The following FAR2 variants were observed in gnomAD, a reference collection of about 807,000 sequenced individuals.
FAR2 encodes the protein fatty acyl-CoA reductase 2.
Under a neutral mutation model 56.0 loss-of-function variants are expected in FAR2, and 19 were observed. The ratio of observed to expected loss-of-function variants is 0.34; its 90% CI spans 0.24 to 0.50. FAR2 has a LOEUF of 0.50. FAR2 is among the 20% of genes least tolerant of loss of function. The pLI is 0.98. For synonymous variants in FAR2, 219 were observed against 218.8 expected (o/e 1.00, Z -0.01); for missense variants, 508 against 642.2 (o/e 0.79, Z 2.26).
At chr12:29,233,350 C>T (rs987465633) in intron 1 of FAR2, among the ~76,000 whole-genome samples, 1 of 152,068 alleles carries the variant, frequency 6.6e-6, no homozygotes, top group Non-Finnish European at 1.5e-5. Flanking sequence ...CTTCTGTCTG[C>T]CCTGGTCATC....
chr12:29,181,712 T>C (rs959620513), intron 1 of FAR2, among the ~76,000 whole-genome samples: 2 of 152,276 alleles, frequency 1.3e-5, no homozygotes, highest in Non-Finnish European at 2.9e-5. Flanking sequence ...CTAAGTTGGA[T>C]ACCCTTCTGC....
chr12:29,182,234 T>C (rs4931160), intron 1 of FAR2, among the ~76,000 whole-genome samples: 105,722 of 152,050 alleles, frequency 0.7, 37,486 homozygotes, highest in Non-Finnish European at 0.77. Flanking sequence ...CTGTGAAGAG[T>C]GAAAGAACAC....
At chr12:29,179,559 AC>A (rs1949973225) in intron 1 of FAR2, among the ~76,000 whole-genome samples, 1 of 152,172 alleles carries the variant, frequency 6.6e-6, no homozygotes, top group African/African-American at 2.4e-5. Flanking sequence ...TCACACCCCG[AC>A]CTATCATACT....
chr12:29,282,947 G>T (rs1450418551), intron 2 of FAR2, among the ~76,000 whole-genome samples: 1 of 152,130 alleles, frequency 6.6e-6, no homozygotes, highest in African/African-American at 2.4e-5. Flanking sequence ...GGACATACCA[G>T]TGGGGGGAAA....
At chr12:29,288,237 C>T (rs1948906462) in intron 2 of FAR2, among the ~76,000 whole-genome samples, 1 of 152,156 alleles carries the variant, frequency 6.6e-6, no homozygotes, top group African/African-American at 2.4e-5. Flanking sequence ...ATGTGTCCTA[C>T]TCTTGTAAAG....
At chr12:29,305,604 T>C (rs1035807267) in intron 4 of FAR2, among the ~76,000 whole-genome samples, 8 of 152,182 alleles carry the variant, frequency 5.3e-5, no homozygotes, top group African/African-American at 1.9e-4. Context: ...TTAGAATGAG[T>C]ATAATTATTG....
At chr12:29,291,569 A>G (rs1948968124) in intron 2 of FAR2, 2 of 423,102 alleles carry the variant, frequency 4.7e-6, no homozygotes, top group African/African-American at 4.1e-5. Context: ...ACTTGGTGTG[A>G]AATACAGATT....
intron 1 of FAR2, among the ~76,000 whole-genome samples, chr12:29,259,422 G>C (rs190257447): frequency 6.6e-6 from 1 of 152,146 alleles, no homozygotes; most frequent in Non-Finnish European, 1.5e-5. Context: ...TTTCAAAAAT[G>C]TTTCTCTCCA....
At chr12:29,185,249 G>T (rs890962287) in intron 1 of FAR2, among the ~76,000 whole-genome samples, 1 of 152,088 alleles carries the variant, frequency 6.6e-6, no homozygotes, top group Non-Finnish European at 1.5e-5. Context: ...CACTACCCTA[G>T]TCCCACTGAA....
intron 4 of FAR2, among the ~76,000 whole-genome samples, chr12:29,298,614 A>G (rs1245860054): frequency 1.3e-5 from 2 of 152,210 alleles, no homozygotes; most frequent in African/African-American, 4.8e-5. Context: ...AAAATTTTAG[A>G]GTGCAGAGTT....
intron 1 of FAR2, among the ~76,000 whole-genome samples, chr12:29,199,566 C>G (rs1165717690): frequency 6.8e-6 from 1 of 147,950 alleles, no homozygotes; most frequent in Non-Finnish European, 1.5e-5. Context: ...CTCCACTGCG[C>G]TCCAGCCTGG....
At position 29,230,695 on chromosome 12, in the gene FAR2, G is replaced by A. The variant is rs374791556; in HGVS notation, c.-38-39717G>A. ...AGATGTGGTTGGATATACTTTGAAGGTAGAGCTGATGGGATTTGCCAAAGG... is the reference window on the plus strand; with the variant it reads ...AGATGTGGTTGGATATACTTTGAAGATAGAGCTGATGGGATTTGCCAAAGG... On this transcript the variant is annotated intron_variant, in intron 1 of 11. Coordinates refer to ENST00000536681, the MANE Select transcript of FAR2 (RefSeq NM_001271783.2). Among the ~76,000 whole-genome samples the A allele has an allele frequency of 7.2e-5, 11 of 152,204 alleles. No homozygotes were observed. The East Asian group carries it at 2.1e-3, about 30-fold the overall frequency.
chr12:29,329,108 C>A (rs778318834), intron 10 of FAR2, among the ~76,000 whole-genome samples: 6 of 152,076 alleles, frequency 3.9e-5, no homozygotes, highest in Non-Finnish European at 8.8e-5. Context: ...GAAATCATTG[C>A]TCCCTCTCAA....
At chr12:29,153,908 C>T (rs531062423) in intron 1 of FAR2, among the ~76,000 whole-genome samples, 2 of 152,108 alleles carry the variant, frequency 1.3e-5, no homozygotes, top group African/African-American at 4.8e-5. Flanking sequence ...TTTAGAGATG[C>T]CGTAAGAAGA....
In FAR2 at chr12:29,166,469, T is replaced by C. The variant is rs147658594; in HGVS notation, c.-39+17062T>C. Among the ~76,000 whole-genome samples, 311 of 152,322 alleles carry C rather than the reference T, an allele frequency of 2.0e-3. 1 individual carries two copies. The highest frequency in any genetic ancestry group is 7.2e-3 in the African/African-American group (299 of 41,566). ...GCTTTCTGACCAAAAGGAAAGCCTCTCCTCTTTGGCAATTTCCATAGCTTC... is the reference window on the plus strand; with the variant it reads ...GCTTTCTGACCAAAAGGAAAGCCTCCCCTCTTTGGCAATTTCCATAGCTTC... On this transcript the variant is annotated intron_variant, in intron 1 of 11. Transcript: ENST00000536681.
chr12:29,322,863 C>T (rs899990159), intron 10 of FAR2, among the ~76,000 whole-genome samples: 1 of 152,166 alleles, frequency 6.6e-6, no homozygotes, highest in African/African-American at 2.4e-5. Flanking sequence ...AAAGGGAATT[C>T]CCTGACCCCT....
intron 3 of FAR2, among the ~76,000 whole-genome samples, chr12:29,296,123 T>C (rs1416450249): frequency 6.6e-6 from 1 of 152,264 alleles, no homozygotes; most frequent in Non-Finnish European, 1.5e-5. Flanking sequence ...CATTTCAGTT[T>C]TTTTAAAAAG....
In FAR2 at chr12:29,319,466, CCT is replaced by C. The variant is rs1422605113; in HGVS notation, c.1128-2326_1128-2325del. 2.0e-5 allele frequency among the ~76,000 whole-genome samples: 3 copies of C among 152,168 alleles called. No individual in the cohort carries two copies. In the East Asian group the frequency reaches 5.8e-4, roughly 29 times the overall value. On this transcript the variant is annotated intron_variant, in intron 9 of 11. Transcript: ENST00000536681. The stretch of plus-strand genomic sequence containing the variant: ...CATTTATTGGACATTTAAGTTTTCC[CCT>C]CTGTGTGCTGCCTGCTTCTGCTCCC...
At chr12:29,154,999 G>T (rs746491138) in intron 1 of FAR2, among the ~76,000 whole-genome samples, 1 of 152,202 alleles carries the variant, frequency 6.6e-6, no homozygotes, top group Non-Finnish European at 1.5e-5. Flanking sequence ...TGGAAAGCGG[G>T]AGACTGGAAT....
Sources: allele counts gnomAD v4.1 joint callset (sites outside exome capture counted in the v4.1 genomes callset), GRCh38; gene constraint gnomAD v4.1.1; transcripts MANE v1.5; gene names NCBI Gene and HGNC (gene_info 2026-07-23, HGNC 2026-07-21).